BBS4: variants seen among roughly 807,000 people sequenced by gnomAD.
The protein encoded by BBS4 is BBSome complex member BBS4.
A neutral mutation model predicts 71.4 loss-of-function variants in BBS4; 58 were observed. The observed-to-expected ratio is 0.81, with a 90% CI of 0.66 to 1.01. BBS4 has a LOEUF of 1.01. BBS4 is among the 50% of genes least tolerant of loss of function. The pLI is 0.00. For synonymous variants in BBS4, 228 were observed against 216.8 expected, an observed-to-expected ratio of 1.05 and a Z score of -0.46; for missense variants, 660 against 607.9, an observed-to-expected ratio of 1.09 and a Z score of -0.90.
chr15:72,731,515 T>C (rs778742287), intron 11 of BBS4, 40 bp from the exon 12 acceptor site: 1 of 1,614,112 alleles, frequency 6.2e-7, no homozygotes, highest in Admixed American at 1.7e-5. Flanking sequence ...TGGGTCTGTT[T>C]AGCTTGCCCT....
intron 13 of BBS4, 103 bp downstream of exon 13, chr15:72,735,285 T>G: frequency 1.1e-6 from 1 of 875,040 alleles, no homozygotes. Flanking sequence ...GCCCAGCTGT[T>G]CCTCTATGGC....
chr15:72,725,108 G>A (rs1567422747), intron 8 of BBS4, among the ~76,000 whole-genome samples: 1 of 150,090 alleles, frequency 6.7e-6, no homozygotes, highest in Non-Finnish European at 1.5e-5. Flanking sequence ...CATCACTCAG[G>A]CTGGAGTGCA....
At chr15:72,709,145 T>G (rs2065319008) in intron 2 of BBS4, among the ~76,000 whole-genome samples, 1 of 152,212 alleles carries the variant, frequency 6.6e-6, no homozygotes, top group African/African-American at 2.4e-5. Context: ...CCCCCTCCCC[T>G]TTTGAAATCC....
intron 2 of BBS4, among the ~76,000 whole-genome samples, chr15:72,705,028 T>A (rs1411684096): frequency 2.0e-5 from 3 of 152,208 alleles, no homozygotes; most frequent in African/African-American, 7.2e-5. Flanking sequence ...TCTATGAGAA[T>A]GAGTATTTTA....
intron 2 of BBS4, among the ~76,000 whole-genome samples, chr15:72,708,891 A>G (rs532388352): frequency 1.9e-4 from 29 of 152,264 alleles, no homozygotes; most frequent in Admixed American, 1.0e-3. Context: ...AGGTCAGATC[A>G]GTTTTCTGCT....
At chr15:72,728,119 ACT>A in intron 9 of BBS4, 125 bp downstream of exon 9, 6 of 712,372 alleles carry the variant, frequency 8.4e-6, no homozygotes, top group South Asian at 3.1e-5. Flanking sequence ...CATGAACTAC[ACT>A]CTCTCTATTC....
chr15:72,729,653 A>G lies in BBS4; in HGVS notation c.680A>G (p.Asn227Ser). 1 of 1,614,124 alleles carries G rather than the reference A, an allele frequency of 6.2e-7. No homozygotes were observed. Among genetic ancestry groups the G allele is most frequent in the Non-Finnish European group, 8.5e-7 (1 of 1,179,998 alleles). Residue 227 changes from asparagine (N) to serine (S), a missense_variant, in exon 10 of 16, where the codon AAT becomes AGT. Asn to Ser is a conservative substitution (Grantham distance 46). Coordinates refer to ENST00000268057, the MANE Select transcript of BBS4 (RefSeq NM_033028.5). The stretch of plus-strand genomic sequence containing the variant: ...CAGAAGGCATTTGAACATCTTGGCA[A>G]TGCACTGACTTATGACCCTACCAAC... ...IYQKAFEHLG[N>S]ALTYDPTNYK...
chr15:72,713,175 T>C (rs972570897), intron 4 of BBS4, among the ~76,000 whole-genome samples: 12 of 151,252 alleles, frequency 7.9e-5, no homozygotes, highest in African/African-American at 3.0e-4. Context: ...TTCTTAAAAC[T>C]TTTTATTTTT....
intron 1 of BBS4, among the ~76,000 whole-genome samples, chr15:72,687,804 G>C (rs971490926): frequency 6.6e-6 from 1 of 150,612 alleles, no homozygotes; most frequent in African/African-American, 2.4e-5. Context: ...GGTGGCGGGC[G>C]CTGGTAATCC....
At chr15:72,688,046 C>CAAAA (rs199931617) in intron 1 of BBS4, among the ~76,000 whole-genome samples, 18 of 84,920 alleles carry the variant, frequency 2.1e-4, no homozygotes, top group South Asian at 8.9e-4. Flanking sequence ...GACTCCGTCT[C>CAAAA]AAAAAAAAAA....
intron 1 of BBS4, chr15:72,686,504 CTT>C (rs1201759749): frequency 5.9e-5 from 90 of 1,518,834 alleles, no homozygotes; most frequent in Admixed American, 2.8e-4. Flanking sequence ...AGAAGGGAGA[CTT>C]TTCACCAGTA....
intron 1 of BBS4, 75 bp from the exon 2 acceptor site, chr15:72,695,102 T>C (rs1375413886): frequency 3.9e-6 from 4 of 1,026,674 alleles, no homozygotes; most frequent in Admixed American, 1.8e-5. Flanking sequence ...TGATTATTCT[T>C]GTTATTTGGA....
rs35004414 is a variant in BBS4, at chr15:72,731,065, C to CTTT, written c.712-211_712-209dup. Among the ~76,000 whole-genome samples the CTTT allele has an allele frequency of 2.7e-3, 206 of 77,644 alleles. 3 individuals carry two copies. The highest frequency in any genetic ancestry group is 3.7e-3 in the African/African-American group (66 of 17,630). 50.9% of individuals were successfully genotyped at this position (77,644 alleles called of 152,430 possible). Reference sequence around the variant, plus strand: ...ATGGGTAAAGCAAGTAACATTTTATCTTTTTTTTTTTTTTTTTTTTTTTTT... The same window carrying CTTT: ...ATGGGTAAAGCAAGTAACATTTTATCTTTTTTTTTTTTTTTTTTTTTTTTTTTT... On this transcript the variant is annotated intron_variant, in intron 10 of 15. Coordinates refer to ENST00000268057, the MANE Select transcript of BBS4 (RefSeq NM_033028.5).
Position 72,714,822 on chromosome 15 carries a change from T to C in BBS4, c.221-469T>C, listed in dbSNP as rs113306598. On this transcript the variant is annotated intron_variant, in intron 4 of 15. Coordinates refer to ENST00000268057, the MANE Select transcript of BBS4 (RefSeq NM_033028.5). The stretch of plus-strand genomic sequence containing the variant: ...CTCTGGTTCTAATTGGTTGTTACAC[T>C]GACAACTGAAGTCTTAAATGTTACT... Among the ~76,000 whole-genome samples the C allele has an allele frequency of 2.2e-3, 329 of 152,354 alleles. 2 individuals carry two copies. The highest frequency in any genetic ancestry group is 7.1e-3 in the African/African-American group (297 of 41,584).
chr15:72,689,911 C>T lies in BBS4; in HGVS notation c.24+3660C>T, dbSNP rs111789545. ...CTGCAACCTCCGCCTCCCGGGTTCA[C>T]GCCATTCTCCAGCCTGAGCCTCCGG... is the stretch of plus-strand genomic sequence containing the variant. On this transcript the variant is annotated intron_variant, in intron 1 of 15. Coordinates refer to ENST00000268057, the MANE Select transcript of BBS4 (RefSeq NM_033028.5). 4.5e-3 allele frequency among the ~76,000 whole-genome samples: 684 copies of T among 152,148 alleles called. 2 individuals carry two copies. Among genetic ancestry groups the T allele is most frequent in the Non-Finnish European group, 7.3e-3 (499 of 67,984 alleles).
chr15:72,734,196 A>T (rs922806429), intron 12 of BBS4, among the ~76,000 whole-genome samples: 1 of 152,168 alleles, frequency 6.6e-6, no homozygotes, highest in African/African-American at 2.4e-5. Flanking sequence ...CATTTTGTAC[A>T]TTGTCTGTTT....
chr15:72,733,786 C>G (rs1315251050), intron 12 of BBS4, among the ~76,000 whole-genome samples: 1 of 152,142 alleles, frequency 6.6e-6, no homozygotes, highest in African/African-American at 2.4e-5. Context: ...TGGGCATATA[C>G]CCAGTAATGG....
chr15:72,738,152 A>C lies in BBS4; in HGVS notation c.*565A>C, dbSNP rs774006057. ...CAAGCCTGCTGAGTATTGCAGCTGC[A>C]TTTGCCCAAAGGGAATCCAGAACAA... On this transcript the variant is annotated 3_prime_UTR_variant, in exon 16 of 16. Coordinates refer to ENST00000268057, the MANE Select transcript of BBS4 (RefSeq NM_033028.5). The C allele has an allele frequency of 4.4e-6, 2 of 451,112 alleles. No homozygotes were observed. Among genetic ancestry groups the C allele is most frequent in the South Asian group, 1.6e-5 (1 of 63,970 alleles). 27.9% of individuals were successfully genotyped at this position (451,112 alleles called of 1,614,324 possible).
chr15:72,713,355 A>G (rs62015949), intron 4 of BBS4, among the ~76,000 whole-genome samples: 2 of 118,400 alleles, frequency 1.7e-5, no homozygotes, highest in East Asian at 8.9e-4. Context: ...ACACACGCAC[A>G]CGCACGCACG....
Sources: gnomAD v4.1 joint callset for allele counts (sites outside exome capture counted in the v4.1 genomes callset) on GRCh38, gnomAD v4.1.1 for gene constraint, MANE v1.5 for transcripts, NCBI Gene and HGNC (gene_info 2026-07-23, HGNC 2026-07-21) for gene names.